The following AGBL1 variants were observed in gnomAD, a reference collection of about 807,000 sequenced individuals.
The protein encoded by AGBL1 is cytosolic carboxypeptidase 4.
In AGBL1, 130 loss-of-function variants were observed where a neutral mutation model predicts 118.9. The observed-to-expected ratio is 1.09, with a 90% CI of 0.95 to 1.26. The LOEUF (loss-of-function observed/expected upper bound fraction) is 1.26. Ranked by LOEUF, AGBL1 falls within the 50% of genes most tolerant of loss-of-function variation. AGBL1 has a pLI of 0.00. For missense variants in AGBL1, 1,584 were observed against 1,298.1 expected, an observed-to-expected ratio of 1.22 and a Z score of -3.38; for synonymous variants, 555 against 478.9, an observed-to-expected ratio of 1.16 and a Z score of -2.08.
intron 23 of AGBL1, among the ~76,000 whole-genome samples, chr15:86,957,962 G>T (rs2080948151): frequency 6.6e-6 from 1 of 152,042 alleles, no homozygotes; most frequent in Non-Finnish European, 1.5e-5. Flanking sequence ...TGCACTTTTA[G>T]AGGCCAAGGC....
At chr15:86,257,501 T>G (rs1274210435) in intron 8 of AGBL1, among the ~76,000 whole-genome samples, 1 of 152,260 alleles carries the variant, frequency 6.6e-6, no homozygotes, top group East Asian at 1.9e-4. Flanking sequence ...AGATTTTCTA[T>G]AGGCATAATT....
chr15:86,818,113 A>G (rs1355480868), intron 22 of AGBL1, among the ~76,000 whole-genome samples: 1 of 151,118 alleles, frequency 6.6e-6, no homozygotes, highest in Non-Finnish European at 1.5e-5. Context: ...TGTATGTGAC[A>G]CACACACACA....
At chr15:86,579,145 C>T (rs1032839818) in intron 21 of AGBL1, among the ~76,000 whole-genome samples, 5 of 152,198 alleles carry the variant, frequency 3.3e-5, no homozygotes, top group Non-Finnish European at 5.9e-5. Flanking sequence ...TTCAATTATA[C>T]TGCTTTGTCT....
intron 1 of AGBL1, among the ~76,000 whole-genome samples, chr15:86,125,955 A>G (rs1201039521): frequency 1.3e-5 from 2 of 152,122 alleles, no homozygotes; most frequent in East Asian, 3.9e-4. Context: ...GGGTTATGTG[A>G]TCCTACACAG....
intron 20 of AGBL1, 148 bp downstream of exon 20, chr15:86,546,281 A>C (rs1349945125): frequency 9.9e-7 from 1 of 1,011,234 alleles, no homozygotes; most frequent in African/African-American, 1.6e-5. Flanking sequence ...TTGTAATACA[A>C]GCAGGCTGGA....
At chr15:86,869,802 C>T (rs2079693355) in intron 22 of AGBL1, among the ~76,000 whole-genome samples, 1 of 152,074 alleles carries the variant, frequency 6.6e-6, no homozygotes, top group Non-Finnish European at 1.5e-5. Context: ...CCCAAGTGGC[C>T]CAAGTCTAAG....
chr15:86,263,020 C>G lies in AGBL1; in HGVS notation c.1086+126C>G, dbSNP rs993133593. The G allele has an allele frequency of 2.1e-5, 15 of 704,402 alleles. No homozygotes were observed. In the African/African-American group the frequency reaches 2.7e-4, roughly 13 times the overall value. The allele number at this position is 704,402 out of a possible 1,614,324, so 43.6% of individuals were successfully genotyped here. A position where few individuals can be genotyped will look rare whatever the true frequency, so the allele number is the denominator to read the frequency against. On this transcript the variant is annotated intron_variant, in intron 10 of 22. Transcript: ENST00000614907. ...ATCATTAGCCATATGCTTCTGGGCT[C>G]TTCCTTAGAGAAAAGCAGAATGCTA...
In AGBL1 at chr15:86,592,750, C is replaced by T. The variant is rs547227975; in HGVS notation, c.2994+38213C>T. On this transcript the variant is annotated intron_variant, in intron 21 of 22. Coordinates refer to ENST00000614907, the MANE Select transcript of AGBL1 (RefSeq NM_001386094.1). ...ATCTTATCAGAATGCTGCTGATCACCAGCTTCACGTGTTTTCTATCTTGGG... is the reference window on the plus strand; with the variant it reads ...ATCTTATCAGAATGCTGCTGATCACTAGCTTCACGTGTTTTCTATCTTGGG... Among the ~76,000 whole-genome samples the T allele has an allele frequency of 2.6e-5, 4 of 152,326 alleles. No homozygotes were observed. The South Asian group carries it at 8.3e-4, about 32-fold the overall frequency.
intron 22 of AGBL1, among the ~76,000 whole-genome samples, chr15:86,834,814 A>G (rs1157636094): frequency 4.6e-5 from 7 of 152,170 alleles, no homozygotes; most frequent in Admixed American, 4.6e-4. Flanking sequence ...GTGAGATGCT[A>G]TGAGACCTAC....
chr15:86,365,827 C>T (rs904183175), intron 17 of AGBL1, among the ~76,000 whole-genome samples: 1 of 152,094 alleles, frequency 6.6e-6, no homozygotes, highest in African/African-American at 2.4e-5. Context: ...CAAATGGAGG[C>T]TAGGAATTTA....
At chr15:86,544,263 G>C (rs2083546486) in intron 19 of AGBL1, among the ~76,000 whole-genome samples, 1 of 152,062 alleles carries the variant, frequency 6.6e-6, no homozygotes. Flanking sequence ...AGGTCAATCG[G>C]GATGACTTTG....
At chr15:86,861,061 T>C (rs572738046) in intron 22 of AGBL1, among the ~76,000 whole-genome samples, 44 of 152,196 alleles carry the variant, frequency 2.9e-4, no homozygotes, top group African/African-American at 8.4e-4. Flanking sequence ...GTTGATTTCA[T>C]TGGGTGGATG....
chr15:86,660,779 G>A (rs2085525512), intron 21 of AGBL1, among the ~76,000 whole-genome samples: 1 of 152,000 alleles, frequency 6.6e-6, no homozygotes, highest in African/African-American at 2.4e-5. Context: ...GATCATAACA[G>A]CAAATTCTAG....
chr15:86,994,805 T>C (rs2081365714), intron 24 of AGBL1, among the ~76,000 whole-genome samples: 1 of 152,250 alleles, frequency 6.6e-6, no homozygotes, highest in Non-Finnish European at 1.5e-5. Context: ...AAGCTGACTT[T>C]AGAACATAAA....
At position 86,154,286 on chromosome 15, in the gene AGBL1, G is replaced by A. The variant is rs564250036; in HGVS notation, c.263-144G>A. ...TTTGGTTCTAGTGGGGACATATTTA[G>A]CAGCATTTGTCACTAGGTCTGAAAA... is the stretch of plus-strand genomic sequence containing the variant. On this transcript the variant is annotated intron_variant, in intron 3 of 22. Coordinates refer to ENST00000614907, the MANE Select transcript of AGBL1 (RefSeq NM_001386094.1). 1.8e-5 allele frequency: 15 copies of A among 836,880 alleles called. No homozygotes were observed. The African/African-American group carries it at 2.2e-4, about 13-fold the overall frequency. 51.8% of individuals were successfully genotyped at this position (836,880 alleles called of 1,614,324 possible). A position where few individuals can be genotyped will look rare whatever the true frequency, so the allele number is the denominator to read the frequency against.
At chr15:86,854,856 G>T (rs374904747) in intron 22 of AGBL1, among the ~76,000 whole-genome samples, 19 of 152,140 alleles carry the variant, frequency 1.2e-4, no homozygotes, top group Middle Eastern at 3.4e-3. Context: ...TTGATGATTC[G>T]CATGAAAAAC....
At chr15:86,396,237 GTGTGTGTA>G (rs1358319256) in intron 17 of AGBL1, among the ~76,000 whole-genome samples, 14 of 127,964 alleles carry the variant, frequency 1.1e-4, no homozygotes, top group Admixed American at 7.5e-4. Flanking sequence ...GTGTGTGTGT[GTGTGTGTA>G]TATATATATA....
chr15:86,617,589 T>C (rs1472348556), intron 21 of AGBL1, among the ~76,000 whole-genome samples: 1 of 152,220 alleles, frequency 6.6e-6, no homozygotes, highest in Non-Finnish European at 1.5e-5. Context: ...AAGAATATGG[T>C]ATTGTCAAAA....
At chr15:86,571,071 T>C (rs76389096) in intron 21 of AGBL1, among the ~76,000 whole-genome samples, 4,559 of 152,254 alleles carry the variant, frequency 0.03, 104 homozygotes, top group East Asian at 0.079. Context: ...GGCCGAGCTG[T>C]GGCTGGACCG....
Sources: allele counts gnomAD v4.1 joint callset (sites outside exome capture counted in the v4.1 genomes callset), GRCh38; gene constraint gnomAD v4.1.1; transcripts MANE v1.5; gene names NCBI Gene and HGNC (gene_info 2026-07-23, HGNC 2026-07-21).